LPP: variants seen among roughly 807,000 people sequenced by gnomAD.
LPP encodes the protein lipoma-preferred partner.
A neutral mutation model predicts 60.4 loss-of-function variants in LPP; 38 were observed. The ratio of observed to expected loss-of-function variants is 0.63; its 90% CI spans 0.49 to 0.83. The LOEUF is 0.83. Ranked by LOEUF, LPP falls within the 40% of genes least tolerant of loss-of-function variation. The pLI, the probability that LPP is intolerant of heterozygous loss-of-function variation, is 0.00. For missense variants in LPP, 902 were observed against 783.6 expected (o/e 1.15, Z -1.80); for synonymous variants, 328 against 290.8 (o/e 1.13, Z -1.30).
At chr3:188,350,113 A>G (rs1765445728) in intron 3 of LPP, among the ~76,000 whole-genome samples, 1 of 152,200 alleles carries the variant, frequency 6.6e-6, no homozygotes, top group Non-Finnish European at 1.5e-5. Flanking sequence ...CTGAGTGTCC[A>G]CGAACTGTGG....
chr3:188,844,568 T>A (rs955536277), intron 9 of LPP, among the ~76,000 whole-genome samples: 2 of 152,204 alleles, frequency 1.3e-5, no homozygotes, highest in Non-Finnish European at 2.9e-5. Flanking sequence ...ATGTAGTGAT[T>A]CCAAGGGAAT....
intron 7 of LPP, among the ~76,000 whole-genome samples, chr3:188,613,016 C>T (rs1844033034): frequency 6.6e-6 from 1 of 152,060 alleles, no homozygotes; most frequent in Admixed American, 6.6e-5. Context: ...ATGTGCTAAG[C>T]AGTGAATTTG....
chr3:188,554,563 A>G (rs1829012494), intron 6 of LPP, among the ~76,000 whole-genome samples: 1 of 152,164 alleles, frequency 6.6e-6, no homozygotes, highest in Admixed American at 6.6e-5. Flanking sequence ...GCCTGCAACT[A>G]TCATCACCTG....
chr3:188,488,292 C>CT (rs1360474818), intron 5 of LPP, among the ~76,000 whole-genome samples: 1 of 152,050 alleles, frequency 6.6e-6, no homozygotes, highest in Non-Finnish European at 1.5e-5. Flanking sequence ...TTGATATATG[C>CT]TATAAGCTTT....
chr3:188,705,538 G>A (rs1865316079), intron 7 of LPP, among the ~76,000 whole-genome samples: 1 of 151,896 alleles, frequency 6.6e-6, no homozygotes, highest in Non-Finnish European at 1.5e-5. Context: ...AACAATACTG[G>A]CAACCATTCA....
chr3:188,353,961 C>CT (rs59069190), intron 3 of LPP, among the ~76,000 whole-genome samples: 6,016 of 145,434 alleles, frequency 0.041, 148 homozygotes, highest in Non-Finnish European at 0.062. Context: ...AACTAGACCA[C>CT]TTTTTTTTTT....
intron 7 of LPP, among the ~76,000 whole-genome samples, chr3:188,706,656 T>G (rs1278378071): frequency 6.6e-6 from 1 of 152,220 alleles, no homozygotes; most frequent in Non-Finnish European, 1.5e-5. Context: ...TGATAGCATG[T>G]GTTCAGAGAT....
chr3:188,200,290 C>G (rs1577246730), intron 1 of LPP, among the ~76,000 whole-genome samples: 1 of 148,506 alleles, frequency 6.7e-6, no homozygotes, highest in East Asian at 2.0e-4. Context: ...ACTCTTGTTG[C>G]CCAGGCTGGA....
At position 188,582,154 on chromosome 3, in the gene LPP, CTTT is replaced by C. The variant is rs10565240; in HGVS notation, c.430-26985_430-26983del. On this transcript the variant is annotated intron_variant, in intron 6 of 11. Transcript: ENST00000617246. ...AATGTCGTTTTACCTTTTTCTTTTT[CTTT>C]TTTTTTTTTTTTTTTTTTTTTGAGA... is the stretch of plus-strand genomic sequence containing the variant. 1.2e-3 allele frequency among the ~76,000 whole-genome samples: 121 copies of C among 102,240 alleles called. 1 individual carries two copies. The highest frequency in any genetic ancestry group is 8.3e-3 in the Middle Eastern group (1 of 120). 67.1% of individuals were successfully genotyped at this position (102,240 alleles called of 152,430 possible).
intron 7 of LPP, among the ~76,000 whole-genome samples, chr3:188,670,630 G>A (rs554709984): frequency 7.2e-4 from 109 of 152,164 alleles, no homozygotes; most frequent in African/African-American, 2.4e-3. Flanking sequence ...TCACCTCCAC[G>A]TTGGCACGCA....
intron 3 of LPP, among the ~76,000 whole-genome samples, chr3:188,372,827 AG>A (rs1425928949): frequency 2.0e-5 from 3 of 151,918 alleles, no homozygotes; most frequent in Non-Finnish European, 2.9e-5. Flanking sequence ...ATTTAGCATT[AG>A]GTGTATCTCC....
chr3:188,395,789 A>C (rs1438149322), intron 3 of LPP, among the ~76,000 whole-genome samples: 1 of 151,990 alleles, frequency 6.6e-6, no homozygotes, highest in Non-Finnish European at 1.5e-5. Context: ...TGGCACACCT[A>C]TAGTCCCGAC....
chr3:188,715,934 G>T (rs6444320), intron 8 of LPP, among the ~76,000 whole-genome samples: 5,147 of 152,268 alleles, frequency 0.034, 291 homozygotes, highest in African/African-American at 0.12. Context: ...ATATCTGACA[G>T]TAGATTTTTA....
intron 1 of LPP, among the ~76,000 whole-genome samples, chr3:188,168,086 T>A (rs893332055): frequency 1.3e-5 from 2 of 152,252 alleles, no homozygotes; most frequent in African/African-American, 4.8e-5. Flanking sequence ...TTTAATGTTT[T>A]GAGCTGCTTA....
chr3:188,860,169 T>C (rs1764846140), intron 9 of LPP, among the ~76,000 whole-genome samples: 1 of 151,970 alleles, frequency 6.6e-6, no homozygotes, highest in African/African-American at 2.4e-5. Flanking sequence ...AAATGATATC[T>C]TCACTTGCAA....
chr3:188,613,360 A>G (rs1844234319), intron 7 of LPP, among the ~76,000 whole-genome samples: 1 of 150,484 alleles, frequency 6.6e-6, no homozygotes, highest in African/African-American at 2.5e-5. Flanking sequence ...GTATTTAGAT[A>G]AGGTGGCTCA....
chr3:188,353,963 T>A (rs1382663193), intron 3 of LPP, among the ~76,000 whole-genome samples: 1 of 135,102 alleles, frequency 7.4e-6, no homozygotes, highest in Admixed American at 7.3e-5. Context: ...CTAGACCACT[T>A]TTTTTTTTTT....
intron 6 of LPP, among the ~76,000 whole-genome samples, chr3:188,548,370 C>A (rs114005225): frequency 1.1e-3 from 165 of 152,224 alleles, no homozygotes; most frequent in Admixed American, 2.4e-3. Context: ...ATAGCTTAGT[C>A]CACCTCAGGT....
intron 8 of LPP, among the ~76,000 whole-genome samples, chr3:188,716,422 A>T (rs1403839281): frequency 6.6e-6 from 1 of 152,234 alleles, no homozygotes; most frequent in Non-Finnish European, 1.5e-5. Context: ...AACAGAACAA[A>T]AAAAACAATG....
Sources: gnomAD v4.1 joint callset for allele counts (sites outside exome capture counted in the v4.1 genomes callset) on GRCh38, gnomAD v4.1.1 for gene constraint, MANE v1.5 for transcripts, NCBI Gene and HGNC (gene_info 2026-07-23, HGNC 2026-07-21) for gene names.